Variants in CALHM4 observed in about 807,000 individuals in gnomAD.
CALHM4 encodes calcium homeostasis modulator family member 4.
CALHM4 carries 16 observed loss-of-function variants against 13.3 expected under a neutral mutation model. The observed-to-expected ratio is 1.20, with a 90% CI of 0.81 to 1.82. CALHM4 has a LOEUF of 1.82. Ranked by LOEUF, CALHM4 falls within the 40% of genes most tolerant of loss-of-function variation. CALHM4 has a pLI of 0.00. For synonymous variants in CALHM4, 127 were observed against 137.1 expected, an observed-to-expected ratio of 0.93 and a Z score of 0.52; for missense variants, 344 against 374.9, an observed-to-expected ratio of 0.92 and a Z score of 0.68.
chr6:116,530,745 A>G (rs1233427426), intron 1 of CALHM4, among the ~76,000 whole-genome samples: 2 of 151,818 alleles, frequency 1.3e-5, no homozygotes, highest in Non-Finnish European at 2.9e-5. Context: ...TAACAAAGAC[A>G]GTTTTGTCTA....
intron 1 of CALHM4, among the ~76,000 whole-genome samples, chr6:116,539,811 G>T (rs542890049): frequency 6.6e-6 from 1 of 152,112 alleles, no homozygotes; most frequent in Non-Finnish European, 1.5e-5. Context: ...ATTTTTAAAG[G>T]CTGGCTAAAG....
At position 116,544,339 on chromosome 6, in the gene CALHM4, G is replaced by T. The variant is rs558167612; in HGVS notation, c.-1+467G>T. Among the ~76,000 whole-genome samples the T allele has an allele frequency of 2.0e-5, 3 of 152,106 alleles. No individual in the cohort carries two copies. In the South Asian group the frequency reaches 6.2e-4, roughly 32 times the overall value. The stretch of plus-strand genomic sequence containing the variant: ...GTGGAATTTCTTCTCTGTCCCTGAT[G>T]GGTGGGCACTATTATATATTGAAAT... On this transcript the variant is annotated intron_variant, in intron 2 of 2. Coordinates refer to the CALHM4 transcript ENST00000368597.
At chr6:116,545,273 T>A (rs1266324973) in intron 2 of CALHM4, among the ~76,000 whole-genome samples, 2 of 152,034 alleles carry the variant, frequency 1.3e-5, no homozygotes, top group African/African-American at 2.4e-5. Flanking sequence ...GACCTTAAAG[T>A]GTGTATAAAG....
rs1012659640 is a variant in CALHM4 at position 116,557,756 on chromosome 6, C to T, written c.559-69C>T. ...TCTTAGGTTTGTAGGAATCCCCCCTCCCATGGCTGTTGCTTGAATATTTGA... is the reference window on the plus strand; with the variant it reads ...TCTTAGGTTTGTAGGAATCCCCCCTTCCATGGCTGTTGCTTGAATATTTGA... On this transcript the variant is annotated intron_variant, in intron 1 of 1. Coordinates refer to ENST00000368596, the MANE Select transcript of CALHM4 (RefSeq NM_001366078.2). 5.9e-6 allele frequency: 9 copies of T among 1,528,698 alleles called. No homozygotes were observed. The African/African-American group carries it at 1.1e-4, about 19-fold the overall frequency. The allele number at this position is 1,528,698 out of a possible 1,614,324, so 94.7% of individuals were successfully genotyped here. A position where few individuals can be genotyped will look rare whatever the true frequency, so the allele number is the denominator to read the frequency against.
At chr6:116,557,232 C>T (rs1368116212) in intron 1 of CALHM4, among the ~76,000 whole-genome samples, 3 of 152,164 alleles carry the variant, frequency 2.0e-5, no homozygotes, top group Non-Finnish European at 2.9e-5. Flanking sequence ...CCACCACACC[C>T]AGCCAACTAT....
At chr6:116,542,215 A>G (rs1773504907) in intron 1 of CALHM4, among the ~76,000 whole-genome samples, 1 of 152,190 alleles carries the variant, frequency 6.6e-6, no homozygotes, top group Non-Finnish European at 1.5e-5. Flanking sequence ...AGTTCAGCTA[A>G]CAAAGTGACT....
intron 2 of CALHM4, among the ~76,000 whole-genome samples, chr6:116,547,409 G>C (rs778874013): frequency 6.6e-6 from 1 of 152,144 alleles, no homozygotes; most frequent in Non-Finnish European, 1.5e-5. Context: ...AGAAAAAGCC[G>C]GCTTTTACTT....
Position 116,554,080 on chromosome 6 carries a change from AG to A in CALHM4, c.288del (p.Glu96AspfsTer21). On this transcript the variant is annotated frameshift_variant, in exon 1 of 2. Coordinates refer to ENST00000368596, the MANE Select transcript of CALHM4 (RefSeq NM_001366078.2). LOFTEE classifies it high-confidence loss of function. ...CCATACAGGAGAATCAGCCCCCTAG[AG>A]TGCAAGCTGGCTTGCCTTAGGTTCT... ...APPYRRISPL[E>X]CKLACLRFFS... is the part of the protein sequence containing the mutation. The A allele has an allele frequency of 6.4e-7, 1 of 1,550,590 alleles. No individual in the cohort carries two copies. Among genetic ancestry groups the A allele is most frequent in the South Asian group, 1.2e-5 (1 of 84,060 alleles).
chr6:116,550,607 C>T (rs1774035022), upstream of CALHM4, among the ~76,000 whole-genome samples: 1 of 151,984 alleles, frequency 6.6e-6, no homozygotes. Context: ...TGTATTTAGT[C>T]CCATTTCTAC....
rs1774206255 is a variant in CALHM4, at chr6:116,554,211, GA to G, written c.419del (p.Asp140AlafsTer31). 6.4e-7 allele frequency: 1 copy of G among 1,550,388 alleles called. No individual in the cohort carries two copies. The highest frequency in any genetic ancestry group is 1.4e-5 in the African/African-American group (1 of 72,976). ...TGCAGCAAGTGAATTTGCATCTGTG[GA>G]CCATTACCCAATGTTTGATAATGTC... ...ECAASEFASV[D>X]HYPMFDNVSA... On this transcript the variant is annotated frameshift_variant, in exon 1 of 2. Coordinates refer to ENST00000368596, the MANE Select transcript of CALHM4 (RefSeq NM_001366078.2). LOFTEE classifies it high-confidence loss of function.
chr6:116,554,093 T>C lies in CALHM4; in HGVS notation c.300T>C (p.Ala100=), dbSNP rs1420678228. ...TCAGCCCCCTAGAGTGCAAGCTGGCTTGCCTTAGGTTCTTCAGCATCACTG... is the reference window on the plus strand; with the variant it reads ...TCAGCCCCCTAGAGTGCAAGCTGGCCTGCCTTAGGTTCTTCAGCATCACTG... ...RRISPLECKL[A]CLRFFSITGR... The change falls in exon 1 of 2, where the codon GCT becomes GCC. Residue 100 remains alanine (A), a synonymous_variant. Coordinates refer to ENST00000368596, the MANE Select transcript of CALHM4 (RefSeq NM_001366078.2). 11 of 1,550,652 alleles carry C rather than the reference T, an allele frequency of 7.1e-6. No homozygotes were observed. In the South Asian group the frequency reaches 1.1e-4, roughly 15 times the overall value.
At chr6:116,556,939 C>CTT (rs35964763) in intron 1 of CALHM4, among the ~76,000 whole-genome samples, 1,889 of 119,446 alleles carry the variant, frequency 0.016, 65 homozygotes, top group South Asian at 0.069. Context: ...TATTTTTAAT[C>CTT]TTTTTTTTTT....
intron 1 of CALHM4, among the ~76,000 whole-genome samples, chr6:116,557,104 A>C: frequency 6.6e-6 from 1 of 151,824 alleles, no homozygotes; most frequent in East Asian, 1.9e-4. Flanking sequence ...TGCCCGACTA[A>C]TTTTTGTATT....
At chr6:116,544,689 G>T (rs1326500583) in intron 2 of CALHM4, among the ~76,000 whole-genome samples, 1 of 152,052 alleles carries the variant, frequency 6.6e-6, no homozygotes, top group African/African-American at 2.4e-5. Context: ...TAGCACTTGA[G>T]AGTCCCACAG....
chr6:116,535,949 T>G (rs527862799), intron 1 of CALHM4, among the ~76,000 whole-genome samples: 1 of 152,314 alleles, frequency 6.6e-6, no homozygotes, highest in East Asian at 1.9e-4. Flanking sequence ...AGATGATAGA[T>G]GTTCTTTTTA....
chr6:116,536,817 G>C (rs1236008306), intron 1 of CALHM4, among the ~76,000 whole-genome samples: 4 of 152,182 alleles, frequency 2.6e-5, no homozygotes, highest in African/African-American at 9.7e-5. Flanking sequence ...TGTGACTACA[G>C]TAAACTTCTT....
At chr6:116,549,538 C>G (rs1462812121), upstream of CALHM4, among the ~76,000 whole-genome samples, 2 of 152,022 alleles carry the variant, frequency 1.3e-5, no homozygotes, top group Admixed American at 6.5e-5. Context: ...GACCTCTTTT[C>G]TAGCTGTTTT....
At chr6:116,557,693 A>G (rs1774386619) in intron 1 of CALHM4, 132 bp from the exon 2 acceptor site, 2 of 1,005,662 alleles carry the variant, frequency 2.0e-6, no homozygotes, top group South Asian at 3.3e-5. Context: ...TTGATATACT[A>G]AAGATGGGAA....
rs370753605 is a variant in CALHM4, at chr6:116,543,381, A to G, written c.-108-384A>G. Reference sequence around the variant, plus strand: ...CTGGGCAACCAGAGCTCCATAGGTAAGGACAAAGAGATCTTTATTCTGGAG... The same window carrying G: ...CTGGGCAACCAGAGCTCCATAGGTAGGGACAAAGAGATCTTTATTCTGGAG... On this transcript the variant is annotated intron_variant, in intron 1 of 2. Coordinates refer to the CALHM4 transcript ENST00000368597. 7.2e-5 allele frequency: 112 copies of G among 1,549,514 alleles called. No homozygotes were observed. In the African/African-American group the frequency reaches 1.5e-3, roughly 21 times the overall value.
Sources: gnomAD v4.1 joint callset for allele counts (sites outside exome capture counted in the v4.1 genomes callset) on GRCh38, gnomAD v4.1.1 for gene constraint, MANE v1.5 for transcripts, NCBI Gene and HGNC (gene_info 2026-07-23, HGNC 2026-07-21) for gene names.